The following CDK12 variants were observed in gnomAD, a reference collection of about 807,000 sequenced individuals.
The protein encoded by CDK12 is cyclin-dependent kinase 12.
Under a neutral mutation model 133.8 loss-of-function variants are expected in CDK12, and 17 were observed. The observed-to-expected ratio is 0.13, with a 90% CI of 0.09 to 0.19. The LOEUF is 0.19. Ranked by LOEUF, CDK12 falls within the 10% of genes least tolerant of loss-of-function variation. CDK12 has a pLI of 1.00. For synonymous variants in CDK12, 694 were observed against 683.6 expected (o/e 1.02, Z -0.24); for missense variants, 1,508 against 1,818.7 (o/e 0.83, Z 3.11).
At chr17:39,489,041 C>T (rs985654844) in intron 2 of CDK12, among the ~76,000 whole-genome samples, 1 of 151,942 alleles carries the variant, frequency 6.6e-6, no homozygotes, top group Non-Finnish European at 1.5e-5. Flanking sequence ...CTGCCTCAGC[C>T]TCTCGAGTAG....
chr17:39,469,407 C>G (rs776370757), intron 1 of CDK12, among the ~76,000 whole-genome samples: 7 of 152,134 alleles, frequency 4.6e-5, no homozygotes, highest in Non-Finnish European at 1.0e-4. Flanking sequence ...AAATCATTTT[C>G]TCCACTTTAT....
Position 39,531,517 on chromosome 17 carries a change from TG to T in CDK12, c.*204del. 2.2e-6 allele frequency: 1 copy of T among 445,546 alleles called. No homozygotes were observed. Among genetic ancestry groups the T allele is most frequent in the Non-Finnish European group, 3.9e-6 (1 of 257,232 alleles). 27.6% of individuals were successfully genotyped at this position (445,546 alleles called of 1,614,324 possible). A position where few individuals can be genotyped will look rare whatever the true frequency, so the allele number is the denominator to read the frequency against. On this transcript the variant is annotated 3_prime_UTR_variant, in exon 14 of 14. Coordinates refer to ENST00000447079, the MANE Select transcript of CDK12 (RefSeq NM_016507.4). ...GATGTTGGCACCAGTTCCCCCTGGA[TG>T]GGCTATAGCCAGAACATTTACTTCA...
downstream of CDK12, chr17:39,567,344 A>G (rs1016318904): frequency 1.3e-5 from 2 of 152,154 alleles, no homozygotes; most frequent in Non-Finnish European, 2.9e-5. Context: ...ACTATATATC[A>G]TTCCTTCAGA....
intron 3 of CDK12, among the ~76,000 whole-genome samples, chr17:39,557,306 A>G (rs1746215666): frequency 6.6e-6 from 1 of 152,182 alleles, no homozygotes; most frequent in Admixed American, 6.6e-5. Flanking sequence ...CCCCTGGGTC[A>G]TTCTCTAAGC....
At chr17:39,565,342 C>T (rs1411958142), downstream of CDK12, among the ~76,000 whole-genome samples, 1 of 151,976 alleles carries the variant, frequency 6.6e-6, no homozygotes, top group Admixed American at 6.6e-5. Flanking sequence ...TCTCGATCTC[C>T]TGACCTTGTG....
intron 2 of CDK12, among the ~76,000 whole-genome samples, chr17:39,482,545 T>G (rs1427131501): frequency 1.3e-5 from 2 of 151,782 alleles, no homozygotes; most frequent in Non-Finnish European, 2.9e-5. Flanking sequence ...TGATAATCTT[T>G]TCTGTATTGT....
chr17:39,561,840 G>A (rs1184269038), intron 3 of CDK12, among the ~76,000 whole-genome samples: 1 of 152,188 alleles, frequency 6.6e-6, no homozygotes, highest in Non-Finnish European at 1.5e-5. Context: ...ATCAGGAACA[G>A]CATATCTCCC....
chr17:39,510,418 G>A (rs1265180534), intron 7 of CDK12, among the ~76,000 whole-genome samples: 2 of 151,108 alleles, frequency 1.3e-5, no homozygotes, highest in African/African-American at 2.4e-5. Flanking sequence ...CACTGCGTCC[G>A]GCCAAGAATC....
intron 2 of CDK12, among the ~76,000 whole-genome samples, chr17:39,481,653 T>TCTCTCTCC: frequency 7.4e-5 from 1 of 13,552 alleles, no homozygotes; most frequent in African/African-American, 1.9e-4. Flanking sequence ...TCTCTCTCTC[T>TCTCTCTCC]CTCTCTCTCT....
chr17:39,507,609 A>C (rs891900581), intron 6 of CDK12, among the ~76,000 whole-genome samples: 1 of 152,150 alleles, frequency 6.6e-6, no homozygotes, highest in Non-Finnish European at 1.5e-5. Context: ...TCGTTTAATA[A>C]ACATTTATTT....
At chr17:39,515,917 A>G in intron 9 of CDK12, 109 bp downstream of exon 9, 1 of 672,448 alleles carries the variant, frequency 1.5e-6, no homozygotes, top group Non-Finnish European at 2.5e-6. Context: ...CTTATGTCCA[A>G]GTAAGTTTCT....
intron 5 of CDK12, among the ~76,000 whole-genome samples, chr17:39,499,577 T>A (rs1241191153): frequency 6.6e-6 from 1 of 150,974 alleles, no homozygotes; most frequent in Non-Finnish European, 1.5e-5. Flanking sequence ...TGGTGCAGTC[T>A]CAGCTCACTG....
intron 2 of CDK12, among the ~76,000 whole-genome samples, chr17:39,481,662 C>T (rs1597983145): frequency 4.8e-4 from 6 of 12,486 alleles, no homozygotes; most frequent in Admixed American, 8.6e-4. Context: ...CTCTCTCTCT[C>T]TCTCTCTCTC....
chr17:39,492,668 C>A, intron 3 of CDK12, 83 bp from the exon 4 acceptor site: 1 of 1,031,074 alleles, frequency 9.7e-7, no homozygotes, highest in Non-Finnish European at 1.4e-6. Context: ...CTCGGCCTCC[C>A]AAAGTGCTGG....
chr17:39,558,762 G>A (rs1208876258), intron 3 of CDK12, among the ~76,000 whole-genome samples: 2 of 152,154 alleles, frequency 1.3e-5, no homozygotes, highest in African/African-American at 4.8e-5. Flanking sequence ...TCCTGCCTCA[G>A]CCTCCCACGT....
chr17:39,489,139 G>A (rs1567718860), intron 2 of CDK12, among the ~76,000 whole-genome samples: 1 of 148,328 alleles, frequency 6.7e-6, no homozygotes, highest in Non-Finnish European at 1.5e-5. Flanking sequence ...GGAGTGCAGT[G>A]GCGCGATCTC....
rs375280392 is a variant in CDK12, at chr17:39,470,965, G to A, written c.1133G>A (p.Arg378His). ...AGTAAAAAGAAGAGATCCAGTTCAC[G>A]CAGTCGTCATTCCAGTATCTCACCT... ...SHSKKKRSSS[R>H]SRHSSISPVR... Residue 378 changes from arginine (R) to histidine (H), a missense_variant, in exon 2 of 14, where the codon CGC (arginine) becomes CAC (histidine). Physicochemically the swap from Arg to His is conservative, Grantham distance 29. Coordinates refer to ENST00000447079, the MANE Select transcript of CDK12 (RefSeq NM_016507.4). 9 of 1,613,854 alleles carry A rather than the reference G, an allele frequency of 5.6e-6. 1 individual carries two copies. The highest frequency in any genetic ancestry group is 2.7e-5 in the African/African-American group (2 of 74,910).
At chr17:39,475,241 G>A (rs527345783) in intron 2 of CDK12, among the ~76,000 whole-genome samples, 44 of 152,150 alleles carry the variant, frequency 2.9e-4, no homozygotes, top group East Asian at 9.7e-4. Flanking sequence ...AGGCCATGGT[G>A]GGAGGACTGT....
intron 3 of CDK12, among the ~76,000 whole-genome samples, chr17:39,562,656 C>T (rs1356769462): frequency 6.6e-6 from 1 of 151,820 alleles, no homozygotes; most frequent in African/African-American, 2.4e-5. Context: ...TTGGCTACAA[C>T]AATTAATTAA....
Sources: gnomAD v4.1 joint callset for allele counts (sites outside exome capture counted in the v4.1 genomes callset) on GRCh38, gnomAD v4.1.1 for gene constraint, MANE v1.5 for transcripts, NCBI Gene and HGNC (gene_info 2026-07-23, HGNC 2026-07-21) for gene names.